Variants in MYH16 observed in about 807,000 individuals in gnomAD.
The protein encoded by MYH16 is putative uncharacterized protein MYH16.
At chr7:99,242,138 G>C (rs1317297501) in intron 1 of MYH16, among the ~76,000 whole-genome samples, 1 of 152,210 alleles carries the variant, frequency 6.6e-6, no homozygotes, top group Non-Finnish European at 1.5e-5. Context: ...TGGGATTACA[G>C]GCATGAGCCA....
At chr7:99,279,862 T>G (rs534577120) in intron 22 of MYH16, 125 bp downstream of exon 4, 144 of 342,254 alleles carry the variant, frequency 4.2e-4, no homozygotes, top group African/African-American at 2.4e-3. Flanking sequence ...TTTTTGGGGG[T>G]TTTTTTTTGT....
At chr7:99,310,579 C>T (rs376244184), downstream of MYH16, among the ~76,000 whole-genome samples, 32 of 152,308 alleles carry the variant, frequency 2.1e-4, no homozygotes, top group African/African-American at 7.7e-4. Flanking sequence ...TATAACTCAA[C>T]AGTATCCATT....
intron 5 of MYH16, chr7:99,250,223 G>C (rs898137414): frequency 3.9e-5 from 6 of 152,396 alleles, no homozygotes; most frequent in Admixed American, 3.9e-4. Flanking sequence ...GACTTGGGTG[G>C]GGTCACACAG....
chr7:99,268,403 G>C (rs1792013811), intron 18 of MYH16, among the ~76,000 whole-genome samples: 1 of 152,240 alleles, frequency 6.6e-6, no homozygotes, highest in Non-Finnish European at 1.5e-5. Context: ...AAGCGGGACA[G>C]AGCTAGTCGG....
intron 15 of MYH16, among the ~76,000 whole-genome samples, chr7:99,264,664 T>C (rs1472282945): frequency 6.6e-6 from 1 of 152,148 alleles, no homozygotes; most frequent in South Asian, 2.1e-4. Flanking sequence ...CAAAGGAAGA[T>C]GTCAACACTT....
At chr7:99,278,084 G>A (rs1438090674) in intron 21 of MYH16, among the ~76,000 whole-genome samples, 3 of 151,836 alleles carry the variant, frequency 2.0e-5, no homozygotes, top group East Asian at 3.9e-4. Flanking sequence ...TCAGCCTCCC[G>A]AGTAGCTGGG....
intron 36 of MYH16, among the ~76,000 whole-genome samples, chr7:99,298,912 G>A (rs1281239781): frequency 1.3e-5 from 2 of 151,984 alleles, no homozygotes; most frequent in African/African-American, 2.4e-5. Context: ...TTTCTTAAAA[G>A]TATCCGTTGA....
intron 21 of MYH16, among the ~76,000 whole-genome samples, chr7:99,278,901 A>G (rs566020802): frequency 3.2e-4 from 49 of 152,178 alleles, no homozygotes; most frequent in Non-Finnish European, 6.2e-4. Context: ...TGATGGAAGA[A>G]TCCTCCTGGG....
Position 99,284,831 on chromosome 7 carries a change from C to A in MYH16, n.3226-14C>A, listed in dbSNP as rs1314402171. 2.2e-6 allele frequency: 1 copy of A among 456,624 alleles called. No homozygotes were observed. Among genetic ancestry groups the A allele is most frequent in the East Asian group, 6.9e-5 (1 of 14,392 alleles). 28.3% of individuals were successfully genotyped at this position (456,624 alleles called of 1,614,324 possible). A position where few individuals can be genotyped will look rare whatever the true frequency, so the allele number is the denominator to read the frequency against. On this transcript the variant is annotated splice_polypyrimidine_tract_variant and intron_variant and non_coding_transcript_variant, in intron 25 of 41. Coordinates refer to ENST00000439784, the Ensembl canonical transcript of MYH16. ...TCAGAGCCTTTCCTCAGGAGACCAA[C>A]CCTTCCCTTGCAGGAGGGATTTGGA...
At chr7:99,260,506 T>C (rs1791927143) in intron 12 of MYH16, 1 of 368,336 alleles carries the variant, frequency 2.7e-6, no homozygotes, top group African/African-American at 2.1e-5. Flanking sequence ...GTGACTGCAA[T>C]GACTACTGTT....
intron 30 of MYH16, chr7:99,291,059 T>C (rs975959329): frequency 3.6e-5 from 7 of 197,154 alleles, no homozygotes; most frequent in Non-Finnish European, 7.3e-5. Context: ...TCTCCTGACA[T>C]GTAGGAGATA....
intron 20 of MYH16, among the ~76,000 whole-genome samples, chr7:99,274,782 T>C (rs1792089422): frequency 6.6e-6 from 1 of 150,460 alleles, no homozygotes. Flanking sequence ...CAAGTTATTC[T>C]CCTGCCTCAG....
chr7:99,260,078 T>G, intron 11 of MYH16: 1 of 1,249,522 alleles, frequency 8.0e-7, no homozygotes, highest in Non-Finnish European at 1.1e-6. Context: ...AAAGTTTTGC[T>G]TTGCTTGTGG....
intron 18 of MYH16, among the ~76,000 whole-genome samples, chr7:99,268,131 T>C (rs1388882060): frequency 6.6e-6 from 1 of 152,182 alleles, no homozygotes; most frequent in South Asian, 2.1e-4. Flanking sequence ...TATAATACTC[T>C]GTGTGTGTGG....
intron 25 of MYH16, among the ~76,000 whole-genome samples, chr7:99,284,248 C>G (rs1792244869): frequency 6.6e-6 from 1 of 152,078 alleles, no homozygotes; most frequent in Admixed American, 6.5e-5. Flanking sequence ...ACAAGCGCCA[C>G]CACCCCAGGG....
Position 99,289,410 on chromosome 7 carries a change from C to A in MYH16, n.3824+6C>A. ...CATCAGGACCCGCCTCCAAGGTGAG[C>A]CCTCTCCGCCCTGAGCTTGCTAAGG... is the stretch of plus-strand genomic sequence containing the variant. On this transcript the variant is annotated splice_donor_region_variant and intron_variant and non_coding_transcript_variant, in intron 30 of 41. Coordinates refer to ENST00000439784, the Ensembl canonical transcript of MYH16. The A allele has an allele frequency of 4.8e-6, 2 of 419,198 alleles. No homozygotes were observed. The highest frequency in any genetic ancestry group is 9.6e-6 in the Non-Finnish European group (2 of 208,384). 26.0% of individuals were successfully genotyped at this position (419,198 alleles called of 1,614,324 possible).
At chr7:99,251,746 G>A (rs1451400893) in intron 6 of MYH16, among the ~76,000 whole-genome samples, 2 of 152,162 alleles carry the variant, frequency 1.3e-5, no homozygotes, top group Non-Finnish European at 2.9e-5. Flanking sequence ...AAGGCAGGAG[G>A]ATCCCTTGAG....
intron 5 of MYH16, among the ~76,000 whole-genome samples, chr7:99,250,399 CA>C (rs1791795863): frequency 6.6e-6 from 1 of 152,186 alleles, no homozygotes; most frequent in Non-Finnish European, 1.5e-5. Flanking sequence ...CTGGCTGCCC[CA>C]GGGGCACAAA....
At chr7:99,245,619 C>T (rs1455875468) in intron 2 of MYH16, among the ~76,000 whole-genome samples, 5 of 152,142 alleles carry the variant, frequency 3.3e-5, no homozygotes, top group Non-Finnish European at 5.9e-5. Context: ...CCTCCGCTTC[C>T]CGGGTTCAAG....
Sources: allele counts gnomAD v4.1 joint callset (sites outside exome capture counted in the v4.1 genomes callset), GRCh38; gene constraint gnomAD v4.1.1; transcripts MANE v1.5; gene names NCBI Gene and HGNC (gene_info 2026-07-23, HGNC 2026-07-21).